Variants in PLEKHH2 observed in about 807,000 individuals in gnomAD.
PLEKHH2 encodes the protein pleckstrin homology domain-containing family H member 2.
A neutral mutation model predicts 187.9 loss-of-function variants in PLEKHH2; 129 were observed. The observed-to-expected ratio is 0.69, with a 90% CI of 0.59 to 0.79. The LOEUF is 0.79. Ranked by LOEUF, PLEKHH2 falls within the 30% of genes least tolerant of loss-of-function variation. PLEKHH2 has a pLI of 0.00. For missense variants in PLEKHH2, 2,076 were observed against 1,751.2 expected (o/e 1.19, Z -3.31); for synonymous variants, 686 against 605.6 (o/e 1.13, Z -1.95).
At chr2:43,691,920 C>T (rs1668817494) in intron 3 of PLEKHH2, among the ~76,000 whole-genome samples, 1 of 152,178 alleles carries the variant, frequency 6.6e-6, no homozygotes, top group African/African-American at 2.4e-5. Flanking sequence ...GACAGGTTTT[C>T]AGTGAATATT....
chr2:43,767,414 T>A lies in PLEKHH2; in HGVS notation c.*1816T>A, dbSNP rs1460509275. On this transcript the variant is annotated 3_prime_UTR_variant, in exon 30 of 30. Coordinates refer to ENST00000282406, the MANE Select transcript of PLEKHH2 (RefSeq NM_172069.4). ...TTATTGATAATGACAAAAAGAATAT[T>A]TTTTAAACCCCATCAAAATAGATTT... 2 of 152,322 alleles carry A rather than the reference T, an allele frequency of 1.3e-5. No individual in the cohort carries two copies. The highest frequency in any genetic ancestry group is 1.5e-5 in the Non-Finnish European group (1 of 68,016). The allele number at this position is 152,322 out of a possible 1,614,324, so 9.4% of individuals were successfully genotyped here. A position where few individuals can be genotyped will look rare whatever the true frequency, so the allele number is the denominator to read the frequency against.
At chr2:43,705,425 T>A (rs1263845752) in intron 9 of PLEKHH2, among the ~76,000 whole-genome samples, 1 of 151,182 alleles carries the variant, frequency 6.6e-6, no homozygotes, top group Non-Finnish European at 1.5e-5. Context: ...CTTGATACTT[T>A]TTAAGATTTT....
chr2:43,690,570 A>G (rs910710788), intron 3 of PLEKHH2, among the ~76,000 whole-genome samples: 2 of 152,148 alleles, frequency 1.3e-5, no homozygotes, highest in Non-Finnish European at 2.9e-5. Context: ...ATTCCTTTTG[A>G]CTTTTCAGAA....
chr2:43,711,945 A>C, intron 14 of PLEKHH2: 1 of 1,130,600 alleles, frequency 8.8e-7, no homozygotes, highest in Non-Finnish European at 1.1e-6. Context: ...TAAGCAAGAA[A>C]GGGAAAATGT....
intron 15 of PLEKHH2, among the ~76,000 whole-genome samples, chr2:43,716,655 T>A (rs1670224497): frequency 6.6e-6 from 1 of 152,186 alleles, no homozygotes; most frequent in Non-Finnish European, 1.5e-5. Context: ...TTTTCAAATA[T>A]GCAAAAAAGC....
intron 15 of PLEKHH2, among the ~76,000 whole-genome samples, chr2:43,712,985 G>GA (rs201332369): frequency 3.3e-5 from 5 of 150,844 alleles, no homozygotes; most frequent in Admixed American, 6.6e-5. Flanking sequence ...ATAGGCAGTA[G>GA]AAAAAAAAAG....
At chr2:43,731,334 A>C (rs1671026663) in intron 18 of PLEKHH2, among the ~76,000 whole-genome samples, 156 bp from the exon 19 acceptor site, 1 of 152,234 alleles carries the variant, frequency 6.6e-6, no homozygotes. Context: ...CTGGCTACCA[A>C]AATAAAATAA....
At chr2:43,699,382 C>T (rs948367443) in intron 7 of PLEKHH2, among the ~76,000 whole-genome samples, 1 of 151,970 alleles carries the variant, frequency 6.6e-6, no homozygotes, top group Non-Finnish European at 1.5e-5. Flanking sequence ...TTGGTTTATT[C>T]CTTTAAAAAA....
At chr2:43,714,247 A>G (rs1219968238) in intron 15 of PLEKHH2, among the ~76,000 whole-genome samples, 1 of 152,252 alleles carries the variant, frequency 6.6e-6, no homozygotes, top group East Asian at 1.9e-4. Flanking sequence ...TCAGCAAGGC[A>G]TGTCAGTTTC....
chr2:43,748,792 T>C (rs1477062489), intron 24 of PLEKHH2, among the ~76,000 whole-genome samples: 1 of 151,720 alleles, frequency 6.6e-6, no homozygotes. Flanking sequence ...ACTTCACCCT[T>C]GCTGCCCAGG....
rs751365847 is a variant in PLEKHH2 at position 43,720,684 on chromosome 2, T to C, written c.2476T>C (p.Ser826Pro). 3 of 1,610,034 alleles carry C rather than the reference T, an allele frequency of 1.9e-6. No homozygotes were observed. Among genetic ancestry groups the C allele is most frequent in the Non-Finnish European group, 2.5e-6 (3 of 1,178,732 alleles). Residue 826 changes from serine (S) to proline (P), a missense_variant, in exon 16 of 30, where the codon TCC becomes CCC. Physicochemically the swap from Ser to Pro is moderately conservative, Grantham distance 74. Coordinates refer to ENST00000282406, the MANE Select transcript of PLEKHH2 (RefSeq NM_172069.4). The part of the protein sequence containing the change: ...GLLTKVKHGY[S>P]KRVWCTLIGK... Reference sequence around the variant, plus strand: ...ATGGTTTCAGGTAAAACATGGATATTCCAAGAGAGTCTGGTGTACACTAAT... The same window carrying C: ...ATGGTTTCAGGTAAAACATGGATATCCCAAGAGAGTCTGGTGTACACTAAT...
At chr2:43,687,804 AT>A (rs1307118494) in intron 3 of PLEKHH2, among the ~76,000 whole-genome samples, 8 of 150,024 alleles carry the variant, frequency 5.3e-5, no homozygotes, top group Admixed American at 1.3e-4. Context: ...TTATTTAATT[AT>A]TTTTTTTTCA....
chr2:43,700,104 C>A lies in PLEKHH2; in HGVS notation c.1146C>A (p.Ser382=), dbSNP rs1313234595. Residue 382 remains serine (S), a synonymous_variant, in exon 8 of 30, where the codon TCC becomes TCA. Coordinates refer to ENST00000282406, the MANE Select transcript of PLEKHH2 (RefSeq NM_172069.4). ...SELSKKEQDS[S]SDELNKKFQS... ...TAAGTAAAAAGGAACAAGATAGTTC[C>A]TCGGATGAACTGAATAAAAAATTTC... The A allele has an allele frequency of 1.2e-6, 2 of 1,614,076 alleles. No individual in the cohort carries two copies.
At chr2:43,692,342 G>T (rs920071413) in intron 3 of PLEKHH2, 172 bp from the exon 4 acceptor site, 4 of 496,586 alleles carry the variant, frequency 8.1e-6, no homozygotes, top group African/African-American at 8.0e-5. Flanking sequence ...ACACCACTTG[G>T]TGAAATAGGC....
At chr2:43,657,665 A>G (rs1217199624) in intron 2 of PLEKHH2, among the ~76,000 whole-genome samples, 2 of 152,184 alleles carry the variant, frequency 1.3e-5, no homozygotes, top group Non-Finnish European at 2.9e-5. Flanking sequence ...TCTAGCATAA[A>G]CTTGTTTCTG....
intron 2 of PLEKHH2, among the ~76,000 whole-genome samples, chr2:43,652,977 G>C (rs980081430): frequency 6.6e-6 from 1 of 152,034 alleles, no homozygotes; most frequent in African/African-American, 2.4e-5. Flanking sequence ...CTAAGAGCAG[G>C]GTTGAAATAT....
At chr2:43,711,979 C>A in intron 14 of PLEKHH2, 2 of 1,195,084 alleles carry the variant, frequency 1.7e-6, no homozygotes, top group Non-Finnish European at 2.1e-6. Context: ...GATATAAAAT[C>A]ATAACCCCAA....
At chr2:43,639,107 G>A (rs955116617) in intron 1 of PLEKHH2, among the ~76,000 whole-genome samples, 2 of 152,190 alleles carry the variant, frequency 1.3e-5, no homozygotes, top group African/African-American at 2.4e-5. Context: ...GGGGTTAACA[G>A]TTACCTCTCA....
At chr2:43,730,844 C>T (rs1007240374) in intron 18 of PLEKHH2, among the ~76,000 whole-genome samples, 11 of 152,172 alleles carry the variant, frequency 7.2e-5, no homozygotes, top group African/African-American at 2.7e-4. Context: ...CTTCAAGTTC[C>T]TCTTTATCTT....
Sources: allele counts gnomAD v4.1 joint callset (sites outside exome capture counted in the v4.1 genomes callset), GRCh38; gene constraint gnomAD v4.1.1; transcripts MANE v1.5; gene names NCBI Gene and HGNC (gene_info 2026-07-23, HGNC 2026-07-21).